Variants in NCKAP5 observed in about 807,000 individuals in gnomAD.
NCKAP5 encodes NCK associated protein 5, also known as nck-associated protein 5.
A neutral mutation model predicts 167.0 loss-of-function variants in NCKAP5; 92 were observed. That is an observed-to-expected ratio of 0.55 (90% CI 0.47 to 0.66). The LOEUF is 0.66. Among genes scored for constraint, NCKAP5 ranks in the 30% least tolerant of loss-of-function variants. The pLI, the probability that NCKAP5 is intolerant of heterozygous loss-of-function variation, is 0.00. For missense variants in NCKAP5, 2,378 were observed against 2,315.0 expected (o/e 1.03, Z -0.56); for synonymous variants, 891 against 877.4 (o/e 1.02, Z -0.27).
intron 3 of NCKAP5, among the ~76,000 whole-genome samples, chr2:133,430,114 G>A (rs868209536): frequency 7.2e-5 from 11 of 152,038 alleles, no homozygotes; most frequent in Non-Finnish European, 1.0e-4. Context: ...CTGCTTCTAT[G>A]TCTTGTTTTG....
At chr2:132,954,435 A>G (rs951061777) in intron 8 of NCKAP5, among the ~76,000 whole-genome samples, 4 of 152,238 alleles carry the variant, frequency 2.6e-5, no homozygotes, top group Non-Finnish European at 5.9e-5. Flanking sequence ...GCTTTAAAAG[A>G]TAATGGTATG....
intron 6 of NCKAP5, among the ~76,000 whole-genome samples, chr2:133,002,833 C>A (rs1177275556): frequency 6.6e-6 from 1 of 152,130 alleles, no homozygotes; most frequent in African/African-American, 2.4e-5. Flanking sequence ...AATGATTGAA[C>A]CTAATGGATT....
chr2:132,826,328 A>G (rs149103469), intron 11 of NCKAP5, among the ~76,000 whole-genome samples: 259 of 152,298 alleles, frequency 1.7e-3, no homozygotes, highest in South Asian at 3.3e-3. Flanking sequence ...AATTTTATGT[A>G]TTCTTTTGGT....
At chr2:132,949,296 G>T (rs775525519) in intron 8 of NCKAP5, among the ~76,000 whole-genome samples, 8 of 152,156 alleles carry the variant, frequency 5.3e-5, no homozygotes, top group Non-Finnish European at 1.0e-4. Flanking sequence ...TTCAAGGTTG[G>T]CCAATTGCTA....
chr2:133,105,121 T>C (rs745629057), intron 6 of NCKAP5, among the ~76,000 whole-genome samples: 2 of 152,236 alleles, frequency 1.3e-5, no homozygotes, highest in East Asian at 1.9e-4. Flanking sequence ...TTTTACTTCA[T>C]GCCTTTAGTC....
chr2:133,130,730 C>T (rs1346087426), intron 5 of NCKAP5, among the ~76,000 whole-genome samples: 1 of 152,196 alleles, frequency 6.6e-6, no homozygotes, highest in Non-Finnish European at 1.5e-5. Context: ...CTGGATGACA[C>T]AGAATAGACG....
At chr2:133,553,194 T>C (rs1558780274) in intron 2 of NCKAP5, among the ~76,000 whole-genome samples, 1 of 152,226 alleles carries the variant, frequency 6.6e-6, no homozygotes. Context: ...GAATATACAG[T>C]ATGCTGTCCA....
intron 3 of NCKAP5, among the ~76,000 whole-genome samples, chr2:133,510,315 T>C (rs551645677): frequency 2.0e-4 from 31 of 152,250 alleles, no homozygotes; most frequent in African/African-American, 7.5e-4. Context: ...TAACTCCACC[T>C]TGTACATGAA....
At chr2:133,072,738 T>C (rs2080459594) in intron 6 of NCKAP5, among the ~76,000 whole-genome samples, 1 of 152,200 alleles carries the variant, frequency 6.6e-6, no homozygotes, top group African/African-American at 2.4e-5. Context: ...GTTTGAAACA[T>C]TCCAATCAAA....
At chr2:133,571,316 C>T (rs1688858839), upstream of NCKAP5, among the ~76,000 whole-genome samples, 3 of 151,792 alleles carry the variant, frequency 2.0e-5, no homozygotes, top group Admixed American at 2.0e-4. Context: ...GAGTTAAATA[C>T]AAGTATTTAG....
At chr2:133,579,745 C>T in the NCKAP5 span, among the ~76,000 whole-genome samples, 1 of 152,178 alleles carries the variant, frequency 6.6e-6, no homozygotes, top group Non-Finnish European at 1.5e-5. Flanking sequence ...CATCAACAGG[C>T]TGCATCAATA....
chr2:133,455,138 C>T (rs6741652), intron 3 of NCKAP5, among the ~76,000 whole-genome samples: 14,061 of 152,030 alleles, frequency 0.092, 763 homozygotes, highest in Middle Eastern at 0.19. Flanking sequence ...CCAACAAGAA[C>T]AGGATATTAT....
At chr2:133,279,752 T>A (rs545305333) in intron 4 of NCKAP5, among the ~76,000 whole-genome samples, 1 of 152,210 alleles carries the variant, frequency 6.6e-6, no homozygotes, top group Non-Finnish European at 1.5e-5. Flanking sequence ...ATTAATGAAA[T>A]GTATAAATGG....
chr2:132,926,213 A>G, intron 8 of NCKAP5: 2 of 394,576 alleles, frequency 5.1e-6, no homozygotes. Context: ...TTTCTGCAAA[A>G]GATATGATTT....
At chr2:133,632,959 G>C in the NCKAP5 span, among the ~76,000 whole-genome samples, 2 of 152,180 alleles carry the variant, frequency 1.3e-5, no homozygotes, top group African/African-American at 4.8e-5. Flanking sequence ...ATGCCAGCTT[G>C]CATCTGGACA....
Position 133,411,027 on chromosome 2 carries a change from G to A in NCKAP5, c.69+106431C>T, listed in dbSNP as rs192564029. Among the ~76,000 whole-genome samples the A allele has an allele frequency of 2.0e-3, 310 of 152,302 alleles. 2 individuals are homozygous for A. The highest frequency in any genetic ancestry group is 6.6e-3 in the African/African-American group (276 of 41,572). On this transcript the variant is annotated intron_variant, in intron 3 of 19. Transcript: ENST00000409261. ...ATGCTTGAAATCCAATCAATATTGA[G>A]TCTCTTCTGAACTCAGACCTGCCAC...
At chr2:132,914,466 T>C (rs1389910479) in intron 8 of NCKAP5, among the ~76,000 whole-genome samples, 1 of 152,044 alleles carries the variant, frequency 6.6e-6, no homozygotes, top group Non-Finnish European at 1.5e-5. Flanking sequence ...ATTTTTTAAG[T>C]AGAAATGGAC....
intron 3 of NCKAP5, among the ~76,000 whole-genome samples, chr2:133,509,563 C>T (rs1425343795): frequency 6.6e-6 from 1 of 152,218 alleles, no homozygotes; most frequent in Non-Finnish European, 1.5e-5. Context: ...ATTCATTTTA[C>T]TGAGCTTTTT....
At chr2:133,420,823 C>T (rs1467603996) in intron 3 of NCKAP5, among the ~76,000 whole-genome samples, 1 of 152,152 alleles carries the variant, frequency 6.6e-6, no homozygotes, top group East Asian at 1.9e-4. Flanking sequence ...CTTACCTCGT[C>T]ACTTGCGAAG....
Sources: allele counts gnomAD v4.1 joint callset (sites outside exome capture counted in the v4.1 genomes callset), GRCh38; gene constraint gnomAD v4.1.1; transcripts MANE v1.5; gene names NCBI Gene and HGNC (gene_info 2026-07-23, HGNC 2026-07-21).